ADGRL3: variants seen among roughly 807,000 people sequenced by gnomAD.
ADGRL3 encodes the protein calcium-independent alpha-latrotoxin receptor 3.
A neutral mutation model predicts 153.5 loss-of-function variants in ADGRL3; 62 were observed. That is an observed-to-expected ratio of 0.40 (90% CI 0.33 to 0.50). ADGRL3 has a LOEUF of 0.50. Ranked by LOEUF, ADGRL3 falls within the 20% of genes least tolerant of loss-of-function variation. The pLI is 0.47. For missense variants in ADGRL3, 1,641 were observed against 1,859.4 expected, an observed-to-expected ratio of 0.88 and a Z score of 2.16; for synonymous variants, 710 against 672.5, an observed-to-expected ratio of 1.06 and a Z score of -0.86.
intron 6 of ADGRL3, among the ~76,000 whole-genome samples, chr4:61,711,493 C>T (rs5858721): frequency 0.068 from 2,031 of 29,736 alleles, 8 homozygotes; most frequent in East Asian, 0.097. Context: ...TATATATATA[C>T]ACACACACAC....
intron 24 of ADGRL3, among the ~76,000 whole-genome samples, chr4:62,042,396 G>A (rs1728850598): frequency 6.6e-6 from 1 of 151,526 alleles, no homozygotes. Context: ...TCTAAGTAGG[G>A]TGTTATACCT....
intron 6 of ADGRL3, among the ~76,000 whole-genome samples, chr4:61,694,317 TC>T (rs2095602306): frequency 6.7e-6 from 1 of 149,688 alleles, no homozygotes; most frequent in Admixed American, 6.7e-5. Flanking sequence ...GATTACATGC[TC>T]CTGGCCCCAG....
intron 8 of ADGRL3, among the ~76,000 whole-genome samples, chr4:61,779,704 A>G (rs887450535): frequency 6.6e-6 from 1 of 150,650 alleles, no homozygotes; most frequent in South Asian, 2.1e-4. Context: ...CTAGGTTAGT[A>G]TAAGCTACAA....
At chr4:61,799,555 A>G (rs779411222) in intron 8 of ADGRL3, among the ~76,000 whole-genome samples, 11 of 152,048 alleles carry the variant, frequency 7.2e-5, no homozygotes, top group Non-Finnish European at 1.5e-4. Flanking sequence ...CCCCTACTCT[A>G]TGAAATATCT....
At chr4:61,710,711 G>A (rs867690894) in intron 6 of ADGRL3, among the ~76,000 whole-genome samples, 59 of 152,234 alleles carry the variant, frequency 3.9e-4, no homozygotes, top group African/African-American at 1.4e-3. Flanking sequence ...TCTCTTGAAT[G>A]AACTAAATTT....
chr4:61,799,880 A>G (rs560795455), intron 8 of ADGRL3, among the ~76,000 whole-genome samples: 2 of 152,304 alleles, frequency 1.3e-5, no homozygotes, highest in South Asian at 4.1e-4. Flanking sequence ...TGATTAAAAA[A>G]AAAATATCCT....
intron 6 of ADGRL3, among the ~76,000 whole-genome samples, chr4:61,711,458 TTATATATATATATATATATA>T (rs1167827672): frequency 0.022 from 769 of 34,674 alleles, 60 homozygotes; most frequent in African/African-American, 0.073. Flanking sequence ...ATATGCTTCA[TTATATATATATATATATATA>T]TATATATATA....
chr4:61,431,880 C>T (rs1028565097), intron 2 of ADGRL3, among the ~76,000 whole-genome samples: 1 of 152,112 alleles, frequency 6.6e-6, no homozygotes, highest in Non-Finnish European at 1.5e-5. Context: ...ATGAATTTAT[C>T]TCTGCTTTTC....
At position 61,234,316 on chromosome 4, in the gene ADGRL3, A is replaced by G. The variant is rs540317446; in HGVS notation, c.-240+32551A>G. Among the ~76,000 whole-genome samples the G allele has an allele frequency of 1.5e-4, 23 of 152,274 alleles. No homozygotes were observed. The South Asian group carries it at 4.8e-3, about 32-fold the overall frequency. On this transcript the variant is annotated intron_variant, in intron 1 of 26. Transcript: ENST00000683033. Reference sequence around the variant, plus strand: ...ATGAGAAATAAGCAAAAGTGGAAACACCTGATAAACCCATCCGGTCTCGTG... The same window carrying G: ...ATGAGAAATAAGCAAAAGTGGAAACGCCTGATAAACCCATCCGGTCTCGTG...
At chr4:61,211,982 G>A (rs755681497) in intron 1 of ADGRL3, 13 of 152,150 alleles carry the variant, frequency 8.5e-5, no homozygotes, top group Admixed American at 4.6e-4. Context: ...GATCTTCAAG[G>A]TTTAAATATA....
intron 8 of ADGRL3, among the ~76,000 whole-genome samples, chr4:61,778,831 G>A (rs1451875748): frequency 6.6e-6 from 1 of 152,182 alleles, no homozygotes; most frequent in East Asian, 1.9e-4. Flanking sequence ...GCCAAGGCAG[G>A]TGGATCATTT....
intron 8 of ADGRL3, among the ~76,000 whole-genome samples, chr4:61,776,255 G>A (rs1021154759): frequency 2.6e-5 from 4 of 152,158 alleles, no homozygotes; most frequent in African/African-American, 7.2e-5. Flanking sequence ...CTCGGCGGCA[G>A]CAGGGAAAGA....
intron 5 of ADGRL3, among the ~76,000 whole-genome samples, chr4:61,672,365 CAT>C (rs1054051471): frequency 5.3e-4 from 81 of 152,158 alleles, no homozygotes; most frequent in African/African-American, 1.9e-3. Flanking sequence ...TGACCATAAA[CAT>C]GTGGATTAAT....
chr4:61,223,599 C>A (rs1007744000), intron 1 of ADGRL3, among the ~76,000 whole-genome samples: 1 of 152,124 alleles, frequency 6.6e-6, no homozygotes, highest in Non-Finnish European at 1.5e-5. Flanking sequence ...GGCGTTTTGC[C>A]CACACACTAT....
intron 4 of ADGRL3, among the ~76,000 whole-genome samples, chr4:61,539,131 C>T (rs2098674861): frequency 6.6e-6 from 1 of 152,146 alleles, no homozygotes; most frequent in South Asian, 2.1e-4. Flanking sequence ...CTGTGTCACC[C>T]CCTACACAAG....
chr4:61,286,091 A>G (rs189072808), intron 1 of ADGRL3, among the ~76,000 whole-genome samples: 1 of 151,622 alleles, frequency 6.6e-6, no homozygotes, highest in African/African-American at 2.4e-5. Context: ...GATCTTAAAT[A>G]TATTAAAATA....
At chr4:61,700,357 G>C (rs2151293779) in intron 6 of ADGRL3, among the ~76,000 whole-genome samples, 1 of 152,154 alleles carries the variant, frequency 6.6e-6, no homozygotes, top group East Asian at 1.9e-4. Context: ...TTTTACATTA[G>C]GAAATAGTGG....
chr4:61,446,984 T>A (rs2097590954), intron 2 of ADGRL3, among the ~76,000 whole-genome samples: 1 of 152,098 alleles, frequency 6.6e-6, no homozygotes, highest in East Asian at 1.9e-4. Context: ...CAAGTACCAA[T>A]AAGCTCTATT....
chr4:61,502,831 A>T (rs2098401110), intron 3 of ADGRL3, among the ~76,000 whole-genome samples: 1 of 152,198 alleles, frequency 6.6e-6, no homozygotes, highest in Non-Finnish European at 1.5e-5. Context: ...ATTAGTGGTG[A>T]AAGAGTCAGG....
Sources: allele counts gnomAD v4.1 joint callset (sites outside exome capture counted in the v4.1 genomes callset), GRCh38; gene constraint gnomAD v4.1.1; transcripts MANE v1.5; gene names NCBI Gene and HGNC (gene_info 2026-07-23, HGNC 2026-07-21).